Variants in SCAPER observed in about 807,000 individuals in gnomAD.
The protein encoded by SCAPER is S-phase cyclin A associated protein in the ER.
A neutral mutation model predicts 182.2 loss-of-function variants in SCAPER; 98 were observed. The observed-to-expected ratio is 0.54, with a 90% CI of 0.46 to 0.64. The LOEUF is 0.64. SCAPER is among the 30% of genes least tolerant of loss of function. The pLI, the probability that SCAPER is intolerant of heterozygous loss-of-function variation, is 0.00. For synonymous variants in SCAPER, 605 were observed against 564.6 expected (o/e 1.07, Z -1.01); for missense variants, 1,432 against 1,690.0 (o/e 0.85, Z 2.68).
At chr15:76,800,162 T>TTTTTTTTTTTTTTTTTTTTTTTTTTTG in intron 7 of SCAPER, 86 bp downstream of exon 7, 1 of 733,350 alleles carries the variant, frequency 1.4e-6, no homozygotes, top group Admixed American at 2.6e-5. Flanking sequence ...GATATTTTTA[T>TTTTTTTTTTTTTTTTTTTTTTTTTTTG]AGTAGAATAT....
chr15:76,353,925 A>T, intron 30 of SCAPER, 24 bp downstream of exon 30: 1 of 1,500,774 alleles, frequency 6.7e-7, no homozygotes, highest in Non-Finnish European at 8.9e-7. Flanking sequence ...AAAGCTAGAC[A>T]ATTACGTATA....
chr15:76,889,505 A>T (rs193237597), intron 1 of SCAPER, among the ~76,000 whole-genome samples: 5 of 152,218 alleles, frequency 3.3e-5, no homozygotes, highest in Admixed American at 2.6e-4. Flanking sequence ...GAGCAAAAAA[A>T]AGCAGGGGTC....
intron 21 of SCAPER, among the ~76,000 whole-genome samples, chr15:76,653,324 C>T (rs1048154834): frequency 4.6e-5 from 7 of 152,110 alleles, no homozygotes; most frequent in Non-Finnish European, 1.0e-4. Context: ...CTATTCATAT[C>T]AAACTGCCAA....
chr15:76,388,831 C>T (rs781290251), intron 27 of SCAPER, among the ~76,000 whole-genome samples: 29 of 151,684 alleles, frequency 1.9e-4, no homozygotes, highest in Admixed American at 1.6e-3. Flanking sequence ...TGTGGTGGCA[C>T]ACGCCTGTAA....
Position 76,348,675 on chromosome 15 carries a change from C to T in SCAPER, c.4161G>A (p.Trp1387Ter). The T allele has an allele frequency of 1.9e-6, 3 of 1,553,520 alleles. No individual in the cohort carries two copies. The highest frequency in any genetic ancestry group is 1.9e-5 in the Admixed American group (1 of 51,454). ...ELANRFPQQA[W>*]EEARQFFLKK... ...TCAAGAAAAACTGTCGAGCTTCTTCCCAGGCCTGCTGAGGAAATCTGTTAG... is the reference window on the plus strand; with the variant it reads ...TCAAGAAAAACTGTCGAGCTTCTTCTCAGGCCTGCTGAGGAAATCTGTTAG... The change falls in exon 32 of 32, where the codon TGG becomes TGA. Residue 1387 changes from tryptophan (W) to a stop codon, truncating the protein, a stop_gained. Transcript: ENST00000563290. LOFTEE classifies it high-confidence loss of function.
intron 17 of SCAPER, among the ~76,000 whole-genome samples, chr15:76,725,279 C>T (rs976746370): frequency 5.3e-5 from 8 of 151,902 alleles, no homozygotes; most frequent in African/African-American, 1.9e-4. Context: ...TTGAAAGGAA[C>T]TGAAGACACA....
intron 21 of SCAPER, among the ~76,000 whole-genome samples, chr15:76,652,518 TACACACACACACACAC>T (rs71143350): frequency 8.0e-4 from 71 of 88,922 alleles, no homozygotes; most frequent in Middle Eastern, 0.013. Context: ...TTTACATACA[TACACACACACACACAC>T]ACACACACAC....
chr15:76,551,437 T>G (rs1411528293), intron 23 of SCAPER, among the ~76,000 whole-genome samples: 1 of 152,096 alleles, frequency 6.6e-6, no homozygotes, highest in African/African-American at 2.4e-5. Flanking sequence ...GACATTATGT[T>G]AAGTGAAATA....
intron 5 of SCAPER, among the ~76,000 whole-genome samples, chr15:76,826,322 A>G: frequency 6.7e-6 from 1 of 150,004 alleles, no homozygotes; most frequent in Non-Finnish European, 1.5e-5. Flanking sequence ...ACAAAAAACC[A>G]AACACCGCAT....
chr15:76,441,691 A>G (rs1402660313), intron 25 of SCAPER, among the ~76,000 whole-genome samples: 2 of 152,150 alleles, frequency 1.3e-5, no homozygotes, highest in Non-Finnish European at 2.9e-5. Context: ...CATCTTATCC[A>G]TAAGTTATGC....
At chr15:76,769,409 C>T (rs1347171603) in intron 10 of SCAPER, among the ~76,000 whole-genome samples, 2 of 133,768 alleles carry the variant, frequency 1.5e-5, no homozygotes, top group African/African-American at 5.6e-5. Flanking sequence ...CACTACTGCA[C>T]TCTGGCCTGG....
chr15:76,802,543 C>A (rs1261060278), intron 6 of SCAPER, among the ~76,000 whole-genome samples: 1 of 152,166 alleles, frequency 6.6e-6, no homozygotes, highest in Non-Finnish European at 1.5e-5. Context: ...CACTGAAAAA[C>A]CATCAAAAAT....
intron 21 of SCAPER, among the ~76,000 whole-genome samples, chr15:76,665,234 G>A (rs1305391548): frequency 6.6e-6 from 1 of 152,148 alleles, no homozygotes; most frequent in African/African-American, 2.4e-5. Flanking sequence ...TGTTGTGACA[G>A]GCAACCAAAT....
intron 15 of SCAPER, among the ~76,000 whole-genome samples, chr15:76,748,110 C>A (rs969532128): frequency 6.6e-6 from 1 of 151,880 alleles, no homozygotes; most frequent in African/African-American, 2.4e-5. Flanking sequence ...CCTGCCTCAG[C>A]CTCCGGAGTA....
intron 20 of SCAPER, among the ~76,000 whole-genome samples, chr15:76,692,364 AT>A (rs1206323163): frequency 6.6e-6 from 1 of 152,168 alleles, no homozygotes; most frequent in African/African-American, 2.4e-5. Flanking sequence ...CTGAAAGTTA[AT>A]GAGCCACGTA....
At chr15:76,663,496 G>A (rs1234818497) in intron 21 of SCAPER, among the ~76,000 whole-genome samples, 2 of 151,812 alleles carry the variant, frequency 1.3e-5, no homozygotes, top group African/African-American at 4.8e-5. Flanking sequence ...GTAGAATGTG[G>A]TATATCCATA....
At chr15:76,688,336 C>A (rs1438243129) in intron 20 of SCAPER, among the ~76,000 whole-genome samples, 1 of 152,092 alleles carries the variant, frequency 6.6e-6, no homozygotes, top group Non-Finnish European at 1.5e-5. Flanking sequence ...TGGATATTAG[C>A]CCTTTGTCAT....
chr15:76,357,693 T>A (rs370114200), intron 29 of SCAPER, among the ~76,000 whole-genome samples: 1 of 152,116 alleles, frequency 6.6e-6, no homozygotes. Flanking sequence ...TAAATGTCCA[T>A]CAACAGATGA....
At chr15:76,458,579 G>C (rs2142928012) in intron 25 of SCAPER, among the ~76,000 whole-genome samples, 1 of 152,178 alleles carries the variant, frequency 6.6e-6, no homozygotes, top group Middle Eastern at 3.4e-3. Flanking sequence ...ATTTCATGGA[G>C]TACATGTGGT....
Sources: allele counts gnomAD v4.1 joint callset (sites outside exome capture counted in the v4.1 genomes callset), GRCh38; gene constraint gnomAD v4.1.1; transcripts MANE v1.5; gene names NCBI Gene and HGNC (gene_info 2026-07-23, HGNC 2026-07-21).